The following MYO9B variants were observed in gnomAD, a reference collection of about 807,000 sequenced individuals.
The protein encoded by MYO9B is myosin IXB, also known as unconventional myosin-IXb.
Under a neutral mutation model 229.5 loss-of-function variants are expected in MYO9B, and 71 were observed. That is an observed-to-expected ratio of 0.31 (90% confidence interval 0.26 to 0.38). The LOEUF is 0.38. MYO9B is among the 10% of genes least tolerant of loss of function. The pLI is 1.00. For missense variants in MYO9B, 2,255 were observed against 2,920.5 expected (o/e 0.77, Z 5.25); for synonymous variants, 1,185 against 1,235.8 (o/e 0.96, Z 0.86).
chr19:17,081,125 T>C (rs1379230537), intron 1 of MYO9B, among the ~76,000 whole-genome samples: 1 of 152,134 alleles, frequency 6.6e-6, no homozygotes, highest in Admixed American at 6.5e-5. Context: ...TCTCCCAGGT[T>C]CAAGTGATTC....
At chr19:17,151,833 G>A (rs973737204) in intron 3 of MYO9B, among the ~76,000 whole-genome samples, 1 of 152,174 alleles carries the variant, frequency 6.6e-6, no homozygotes, top group Non-Finnish European at 1.5e-5. Flanking sequence ...AGGAGAACAA[G>A]GCTGCATTGA....
At position 17,150,723 on chromosome 19, in the gene MYO9B, C is replaced by T. The variant is rs779718301; in HGVS notation, c.936-1921C>T. On this transcript the variant is annotated intron_variant, in intron 3 of 39. Transcript: ENST00000682292. ...TCACCAAGCCTTGGCTCCTTGTCCA[C>T]TCCTCAGGAGCCACCGTGCCTGCCC... is the stretch of plus-strand genomic sequence containing the variant. Among the ~76,000 whole-genome samples, 2 of 141,708 alleles carry T rather than the reference C, an allele frequency of 1.4e-5. 1 individual carries two copies. Among genetic ancestry groups the T allele is most frequent in the Non-Finnish European group, 3.2e-5 (2 of 61,968 alleles). The allele number at this position is 141,708 out of a possible 152,430, so 93.0% of individuals were successfully genotyped here. A position where few individuals can be genotyped will look rare whatever the true frequency, so the allele number is the denominator to read the frequency against.
At chr19:17,092,242 A>G (rs1454607539) in intron 1 of MYO9B, among the ~76,000 whole-genome samples, 1 of 152,328 alleles carries the variant, frequency 6.6e-6, no homozygotes, top group East Asian at 1.9e-4. Flanking sequence ...ACATCCAGGC[A>G]GCTCAGCCAT....
intron 36 of MYO9B, 129 bp downstream of exon 36, chr19:17,209,838 T>A: frequency 1.0e-6 from 1 of 986,154 alleles, no homozygotes; most frequent in Non-Finnish European, 1.4e-6. Context: ...GGGCCTTGGG[T>A]GGGCAGGACC....
rs372527239 is a variant in MYO9B, at chr19:17,194,710, G to T, written c.3283G>T (p.Gly1095Trp). 6.2e-6 allele frequency: 10 copies of T among 1,612,816 alleles called. No individual in the cohort carries two copies. Among genetic ancestry groups the T allele is most frequent in the Non-Finnish European group, 8.5e-6 (10 of 1,179,872 alleles). ...EQGPEPAEDG[G>W]HLASEPEVQP... ...GGGGCCGGAGCCAGCGGAGGATGGC[G>T]GGCACCTGGCATCGGAGCCTGAGGT... is the stretch of plus-strand genomic sequence containing the variant. The change falls in exon 22 of 40, where the codon GGG (glycine) becomes TGG (tryptophan). Residue 1095 changes from glycine (G) to tryptophan (W), a missense_variant. By Grantham distance (184) the Gly-to-Trp change is radical. This residue lies in a region of MYO9B where 679 missense variants were observed against 770.2 expected (regional missense o/e 0.88). Coordinates refer to ENST00000682292, the MANE Select transcript of MYO9B (RefSeq NM_004145.4).
rs1210979976 is a variant in MYO9B at position 17,182,919 on chromosome 19, T to G, written c.2334-910T>G. ...CCTTACCTCGGCCAAAAGAGCAGCT[T>G]TGGGTTTTGGGGGGGGTTTTGAGAC... is the stretch of plus-strand genomic sequence containing the variant. On this transcript the variant is annotated intron_variant, in intron 15 of 39. Transcript: ENST00000682292. Among the ~76,000 whole-genome samples the G allele has an allele frequency of 3.9e-5, 6 of 152,080 alleles. No individual in the cohort carries two copies. In the South Asian group the frequency reaches 1.2e-3, roughly 32 times the overall value.
chr19:17,198,440 G>C, intron 24 of MYO9B, 132 bp downstream of exon 24: 1 of 1,284,944 alleles, frequency 7.8e-7, no homozygotes, highest in South Asian at 1.5e-5. Context: ...TTGCTCAGTA[G>C]AAACTGAATG....
chr19:17,079,759 C>T (rs2057518008), intron 1 of MYO9B, among the ~76,000 whole-genome samples: 1 of 152,198 alleles, frequency 6.6e-6, no homozygotes, highest in Non-Finnish European at 1.5e-5. Flanking sequence ...CCCCACCCAC[C>T]AGCCCTTTGT....
chr19:17,080,823 C>T (rs2123427357), intron 1 of MYO9B, among the ~76,000 whole-genome samples: 1 of 151,858 alleles, frequency 6.6e-6, no homozygotes, highest in South Asian at 2.1e-4. Context: ...GAGCTATGAT[C>T]ATGGCACTGC....
chr19:17,086,038 C>T (rs1221984095), intron 1 of MYO9B, among the ~76,000 whole-genome samples: 3 of 152,198 alleles, frequency 2.0e-5, no homozygotes, highest in Non-Finnish European at 4.4e-5. Context: ...ACCCAGGCCA[C>T]TGTCAGCTCC....
chr19:17,104,743 A>AAAAAACG (rs1023829721), intron 2 of MYO9B, among the ~76,000 whole-genome samples: 1 of 151,772 alleles, frequency 6.6e-6, no homozygotes, highest in African/African-American at 2.4e-5. Context: ...AAAAAAAAAC[A>AAAAAACG]AAAAAACAGA....
rs777724303 is a variant in MYO9B at position 17,167,982 on chromosome 19, G to A, written c.1711G>A (p.Gly571Ser). 3.1e-6 allele frequency: 5 copies of A among 1,600,682 alleles called. No homozygotes were observed. The highest frequency in any genetic ancestry group is 2.6e-6 in the Non-Finnish European group (3 of 1,173,980). ...QGEGITWHNI[G>S]YTDNVGCIHL... is the part of the protein sequence containing the mutation. ...CGAGGGGATCACGTGGCACAACATC[G>A]GCTACACAGACAATGTCGGCTGCAT... Residue 571 changes from glycine to serine, a missense_variant, in exon 11 of 40, where the codon GGC becomes AGC. Physicochemically the swap from Gly to Ser is moderately conservative, Grantham distance 56. This residue lies in a region of MYO9B where 220 missense variants were observed against 404.5 expected (regional missense o/e 0.54). Transcript: ENST00000682292.
chr19:17,187,332 T>A (rs2072929302), intron 18 of MYO9B, among the ~76,000 whole-genome samples: 1 of 152,152 alleles, frequency 6.6e-6, no homozygotes, highest in African/African-American at 2.4e-5. Flanking sequence ...GTGTGACTCC[T>A]GACCCCAGAC....
chr19:17,127,625 A>C (rs886415832), intron 2 of MYO9B, among the ~76,000 whole-genome samples: 1 of 152,110 alleles, frequency 6.6e-6, no homozygotes, highest in Non-Finnish European at 1.5e-5. Flanking sequence ...CACCATACCC[A>C]GCCCCCTAAG....
intron 1 of MYO9B, among the ~76,000 whole-genome samples, chr19:17,082,403 C>T (rs1046404090): frequency 6.6e-6 from 1 of 152,162 alleles, no homozygotes; most frequent in Non-Finnish European, 1.5e-5. Flanking sequence ...TGCTTCCTCA[C>T]GAGTGAAGTC....
chr19:17,169,890 C>T (rs148965110), intron 11 of MYO9B, among the ~76,000 whole-genome samples: 15 of 136,206 alleles, frequency 1.1e-4, no homozygotes, highest in Admixed American at 3.2e-4. Context: ...CATCTTGGCT[C>T]AAGTTAATTG....
intron 16 of MYO9B, 45 bp from the exon 17 acceptor site, chr19:17,184,820 T>C: frequency 2.5e-6 from 4 of 1,611,448 alleles, no homozygotes; most frequent in Non-Finnish European, 3.4e-6. Flanking sequence ...CCCGTGCCCG[T>C]GTGGGCTGTG....
intron 14 of MYO9B, 97 bp from the exon 15 acceptor site, chr19:17,180,830 G>A: frequency 1.4e-6 from 1 of 736,042 alleles, no homozygotes; most frequent in Middle Eastern, 2.4e-4. Context: ...CAGTGGCCTG[G>A]GGATGGTCCC....
intron 2 of MYO9B, among the ~76,000 whole-genome samples, chr19:17,121,558 C>T (rs949427046): frequency 2.0e-5 from 3 of 152,012 alleles, no homozygotes; most frequent in African/African-American, 4.8e-5. Flanking sequence ...GCATCCCCCA[C>T]CCCAAGTTTA....
Sources: gnomAD v4.1 joint callset for allele counts (sites outside exome capture counted in the v4.1 genomes callset) on GRCh38, gnomAD v4.1.1 for gene constraint, gnomAD v4.1.1 regional missense constraint, MANE v1.5 for transcripts, NCBI Gene and HGNC (gene_info 2026-07-23, HGNC 2026-07-21) for gene names.